ZNF185: variants seen among roughly 807,000 people sequenced by gnomAD.
ZNF185 encodes zinc finger protein 185 with LIM domain, also known as zinc finger protein 185.
ZNF185 carries 56 observed loss-of-function variants against 58.6 expected under a neutral mutation model. That is an observed-to-expected ratio of 0.95 (90% CI 0.77 to 1.19). The LOEUF is 1.19. Among genes scored for constraint, ZNF185 ranks in the 50% most tolerant of loss-of-function variants. The probability of loss-of-function intolerance (pLI) is 0.00; values close to 1 mark genes in which losing one functional copy is unlikely to be tolerated. For missense variants in ZNF185, 627 were observed against 573.5 expected, an observed-to-expected ratio of 1.09 and a Z score of -0.95; for synonymous variants, 230 against 215.9, an observed-to-expected ratio of 1.07 and a Z score of -0.57.
At chrX:152,908,412 C>T in the ZNF185 span, among the ~76,000 whole-genome samples, 1 of 112,647 alleles carries the variant, frequency 8.9e-6, no homozygotes, top group Non-Finnish European at 1.9e-5. Flanking sequence ...TCTTTTTCTT[C>T]AGGAACTTTT....
chrX:152,914,891 G>C (rs782659248), intron 2 of ZNF185, 58 bp downstream of exon 3: 27 of 1,141,969 alleles, frequency 2.4e-5, no homozygotes, highest in Non-Finnish European at 3.0e-5. Context: ...ATCCGTGGGG[G>C]ACCGACCATA....
intron 19 of ZNF185, among the ~76,000 whole-genome samples, chrX:152,966,170 G>A (rs1336615179): frequency 1.8e-5 from 2 of 109,887 alleles, no homozygotes; most frequent in Non-Finnish European, 3.8e-5. Flanking sequence ...ACCATGCCCA[G>A]CTAGTTTTTG....
chrX:152,910,427 C>T (rs1556860900), upstream of ZNF185, among the ~76,000 whole-genome samples: 1 of 112,340 alleles, frequency 8.9e-6, no homozygotes, highest in Non-Finnish European at 1.9e-5. Flanking sequence ...ACTTAGATGA[C>T]ACCATCATAC....
chrX:152,971,669 G>A (rs1556919357), exon 23 of ZNF185: 1 of 112,278 alleles, frequency 8.9e-6, no homozygotes, highest in Non-Finnish European at 1.9e-5. Flanking sequence ...GTTGAAGACT[G>A]TTGATGATCC....
the ZNF185 span, among the ~76,000 whole-genome samples, chrX:152,906,721 G>C: frequency 9.0e-6 from 1 of 111,476 alleles, no homozygotes; most frequent in Non-Finnish European, 1.9e-5. Flanking sequence ...TGTCTGCTCA[G>C]CTCCTGGATG....
At chrX:152,944,123 A>G (rs929845762) in intron 15 of ZNF185, among the ~76,000 whole-genome samples, 2 of 113,057 alleles carry the variant, frequency 1.8e-5, no homozygotes, top group Non-Finnish European at 3.7e-5. Context: ...GGAGGTGGCA[A>G]TTAGCTTGTT....
At chrX:152,972,804 A>G (rs1190119387) in exon 23 of ZNF185, 1 of 111,846 alleles carries the variant, frequency 8.9e-6, no homozygotes. Flanking sequence ...CTGTGGGCCC[A>G]GCATCACTCT....
exon 18 of ZNF185, chrX:152,963,913 C>T (rs1556912432): frequency 1.7e-6 from 2 of 1,209,976 alleles, no homozygotes; most frequent in East Asian, 3.0e-5. Context: ...ATTTATATTC[C>T]AGCCCCCGCA....
chrX:152,899,594 C>G, the ZNF185 span, among the ~76,000 whole-genome samples: 3 of 113,016 alleles, frequency 2.7e-5, no homozygotes, highest in Non-Finnish European at 5.6e-5. Flanking sequence ...GGGCCAGACA[C>G]GCAGCAGGTG....
intron 15 of ZNF185, among the ~76,000 whole-genome samples, chrX:152,944,073 G>A (rs782506754): frequency 8.8e-6 from 1 of 113,166 alleles, no homozygotes; most frequent in South Asian, 3.6e-4. Context: ...TTACTGTGTG[G>A]CGTCACACTC....
At position 152,965,542 on chromosome X, in the gene ZNF185, C is replaced by G. The variant is rs1307321543; in HGVS notation, c.1799+15C>G. The G allele has an allele frequency of 8.7e-7, 1 of 1,153,356 alleles. No individual in the cohort carries two copies. Among genetic ancestry groups the G allele is most frequent in the Non-Finnish European group, 1.2e-6 (1 of 858,227 alleles). On this transcript the variant is annotated intron_variant, in intron 19 of 22. Transcript: ENST00000449285. ...CGCTATAGCAAGTAAGAGCGGGTCC[C>G]AAACCCTTCCATGTCGGCCTTCTCC...
intron 9 of ZNF185, 142 bp downstream of exon 10, chrX:152,920,890 G>A: frequency 1.4e-6 from 1 of 736,562 alleles, no homozygotes; most frequent in Non-Finnish European, 2.0e-6. Context: ...AGTTGTGAGG[G>A]GCTGGGGGCT....
intron 16 of ZNF185, among the ~76,000 whole-genome samples, chrX:152,954,163 A>G (rs1359079539): frequency 9.4e-6 from 1 of 106,495 alleles, no homozygotes; most frequent in Non-Finnish European, 1.9e-5. Flanking sequence ...TTTTTTTTTC[A>G]GTAGGGAGTA....
the ZNF185 span, among the ~76,000 whole-genome samples, chrX:152,905,662 C>G: frequency 1.8e-5 from 2 of 109,716 alleles, no homozygotes; most frequent in Admixed American, 1.9e-4. Flanking sequence ...TGACCTCCAC[C>G]CCTATTTTAC....
intron 15 of ZNF185, among the ~76,000 whole-genome samples, chrX:152,943,883 T>G (rs1447950446): frequency 8.8e-6 from 1 of 113,096 alleles, no homozygotes; most frequent in African/African-American, 3.2e-5. Flanking sequence ...TATGTTTGTC[T>G]TTGGCTCAAG....
At chrX:152,936,827 G>T (rs1358034937) in intron 14 of ZNF185, among the ~76,000 whole-genome samples, 1 of 110,299 alleles carries the variant, frequency 9.1e-6, no homozygotes, top group Non-Finnish European at 1.9e-5. Flanking sequence ...AGGTCTCAGA[G>T]AACCTCTGCT....
intron 20 of ZNF185, among the ~76,000 whole-genome samples, chrX:152,967,465 G>A (rs1045645966): frequency 8.9e-6 from 1 of 112,337 alleles, no homozygotes; most frequent in African/African-American, 3.2e-5. Flanking sequence ...AGATACCAGC[G>A]GTGACTGAGA....
intron 11 of ZNF185, among the ~76,000 whole-genome samples, chrX:152,925,113 C>A (rs1353677549): frequency 8.9e-6 from 1 of 112,093 alleles, no homozygotes; most frequent in East Asian, 2.8e-4. Flanking sequence ...GGTAACATAG[C>A]AAGACCCCAT....
In ZNF185 at chrX:152,932,859, A is replaced by G. The variant is rs1556878587; in HGVS notation, c.1023-14A>G. On this transcript the variant is annotated splice_polypyrimidine_tract_variant and intron_variant, in intron 13 of 22. Coordinates refer to ENST00000449285, the Ensembl canonical transcript of ZNF185. ...CGCAACTAGAGTCAGCAAATACTCCACTTCTCATAACAGGTCAAGTGCACA... is the reference window on the plus strand; with the variant it reads ...CGCAACTAGAGTCAGCAAATACTCCGCTTCTCATAACAGGTCAAGTGCACA... The G allele has an allele frequency of 8.5e-7, 1 of 1,172,759 alleles. No individual in the cohort carries two copies. Among genetic ancestry groups the G allele is most frequent in the South Asian group, 1.9e-5 (1 of 53,626 alleles).
Sources: gnomAD v4.1 joint callset for allele counts (sites outside exome capture counted in the v4.1 genomes callset) on GRCh38, gnomAD v4.1.1 for gene constraint, MANE v1.5 for transcripts, NCBI Gene and HGNC (gene_info 2026-07-23, HGNC 2026-07-21) for gene names.